The following EPRS1 variants were observed in gnomAD, a reference collection of about 807,000 sequenced individuals.
EPRS1 encodes bifunctional glutamate/proline--tRNA ligase.
A neutral mutation model predicts 188.3 loss-of-function variants in EPRS1; 107 were observed. The ratio of observed to expected loss-of-function variants is 0.57; its 90% CI spans 0.49 to 0.67. The LOEUF is 0.67. Among genes scored for constraint, EPRS1 ranks in the 30% least tolerant of loss-of-function variants. The pLI, the probability that EPRS1 is intolerant of heterozygous loss-of-function variation, is 0.00. For missense variants in EPRS1, 1,577 were observed against 1,802.2 expected (o/e 0.88, Z 2.26); for synonymous variants, 596 against 593.1 (o/e 1.00, Z -0.07).
At chr1:219,981,254 C>A in intron 24 of EPRS1, 124 bp downstream of exon 24, 1 of 592,498 alleles carries the variant, frequency 1.7e-6, no homozygotes, top group South Asian at 3.3e-5. Flanking sequence ...TACAATTTAT[C>A]TTAAATACTT....
In EPRS1 at chr1:219,980,085, C is replaced by T; in HGVS notation, c.3711G>A (p.Gln1237=). The T allele has an allele frequency of 6.2e-7, 1 of 1,613,154 alleles. No individual in the cohort carries two copies. The highest frequency in any genetic ancestry group is 8.5e-7 in the Non-Finnish European group (1 of 1,179,462). ...CGAATCCTGTGTGGCAGTTTGATAC[C>T]TGGATAGCTCTTCCACTAGCAGATA... is the stretch of plus-strand genomic sequence containing the variant. ...AFISASGRAI[Q]GGTSHHLGQN... Residue 1237 remains glutamine (Q), a splice_region_variant and synonymous_variant, in exon 26 of 32, where the codon CAG becomes CAA. Transcript: ENST00000366923.
chr1:220,045,711 A>G (rs920063585), intron 1 of EPRS1, among the ~76,000 whole-genome samples: 5 of 152,188 alleles, frequency 3.3e-5, no homozygotes, highest in African/African-American at 1.2e-4. Context: ...GGGTGCAGTA[A>G]AAGCAACCGC....
At chr1:220,001,078 T>C in intron 17 of EPRS1, 60 bp downstream of exon 17, 1 of 937,662 alleles carries the variant, frequency 1.1e-6, no homozygotes, top group East Asian at 2.4e-5. Flanking sequence ...AGAAATATAT[T>C]CTAAACCCTG....
At chr1:220,046,284 C>T (rs1571705052) in intron 1 of EPRS1, 59 bp downstream of exon 1, 3 of 1,604,308 alleles carry the variant, frequency 1.9e-6, no homozygotes, top group Non-Finnish European at 2.6e-6. Context: ...CGACCTTCCA[C>T]GCCCTGCACC....
rs1044242726 is a variant in EPRS1 at position 220,007,116 on chromosome 1, G to T, written c.1742+86C>A. On this transcript the variant is annotated intron_variant, in intron 14 of 31. Coordinates refer to ENST00000366923, the MANE Select transcript of EPRS1 (RefSeq NM_004446.3). ...ATTTACTAGTCAGCAACATGTATGG[G>T]TCTGAATTTGGTAATGTTTAATAAG... 3.4e-6 allele frequency: 4 copies of T among 1,192,696 alleles called. No homozygotes were observed. In the African/African-American group the frequency reaches 6.1e-5, roughly 18 times the overall value. The allele number at this position is 1,192,696 out of a possible 1,614,324, so 73.9% of individuals were successfully genotyped here.
chr1:219,993,328 T>C (rs1661160451), intron 18 of EPRS1, among the ~76,000 whole-genome samples: 1 of 152,208 alleles, frequency 6.6e-6, no homozygotes, highest in Admixed American at 6.5e-5. Flanking sequence ...CACCTCACAC[T>C]ACACCAACTT....
intron 12 of EPRS1, 36 bp from the exon 13 acceptor site, chr1:220,011,092 A>G (rs1322469533): frequency 8.3e-7 from 1 of 1,207,932 alleles, no homozygotes; most frequent in East Asian, 2.3e-5. Flanking sequence ...AAACACTGCG[A>G]TATCTTATAG....
At chr1:220,027,266 A>C (rs1661994003) in intron 6 of EPRS1, among the ~76,000 whole-genome samples, 1 of 152,216 alleles carries the variant, frequency 6.6e-6, no homozygotes, top group African/African-American at 2.4e-5. Context: ...CTACTAAAAA[A>C]AATACAAAAA....
At position 219,988,862 on chromosome 1, in the gene EPRS1, G is replaced by T; in HGVS notation, c.2542-39C>A. ...GAGAAAGAGATATTTATAAAACTTT[G>T]GAAATTTCTGGAAATTTCAATGCCA... On this transcript the variant is annotated intron_variant, in intron 18 of 31. Coordinates refer to ENST00000366923, the MANE Select transcript of EPRS1 (RefSeq NM_004446.3). 3.2e-6 allele frequency: 4 copies of T among 1,231,932 alleles called. No individual in the cohort carries two copies. The South Asian group carries it at 4.2e-5, about 13-fold the overall frequency. The allele number at this position is 1,231,932 out of a possible 1,614,324, so 76.3% of individuals were successfully genotyped here.
intron 18 of EPRS1, 111 bp downstream of exon 18, chr1:219,996,872 T>A: frequency 8.6e-7 from 1 of 1,168,298 alleles, no homozygotes; most frequent in Non-Finnish European, 1.2e-6. Flanking sequence ...TCAATGTTGA[T>A]TATTACATCA....
At position 219,969,076 on chromosome 1, in the gene EPRS1, A is replaced by G; in HGVS notation, c.4370T>C (p.Ile1457Thr). ...GGTTTACCTGGCAGTGGTCTTTTTG[A>G]TCCAGTCCTCACAGTCAATTTCCCC... ...FCGEIDCEDW[I>T]KKTTARDQDL... The change falls in exon 31 of 32, where the codon ATC becomes ACC. Residue 1457 changes from isoleucine to threonine, a missense_variant. Physicochemically the swap from Ile to Thr is moderately conservative, Grantham distance 89. Coordinates refer to ENST00000366923, the MANE Select transcript of EPRS1 (RefSeq NM_004446.3). The G allele has an allele frequency of 4.3e-6, 7 of 1,613,406 alleles. No homozygotes were observed. Among genetic ancestry groups the G allele is most frequent in the African/African-American group, 1.3e-5 (1 of 75,042 alleles).
At chr1:220,027,559 G>T (rs6681474) in intron 6 of EPRS1, among the ~76,000 whole-genome samples, 115,002 of 143,332 alleles carry the variant, frequency 0.8, 46,185 homozygotes, top group East Asian at 0.93. Context: ...GCCACTGCAC[G>T]CCAGCCTGGA....
chr1:220,000,010 T>C (rs1661318535), intron 17 of EPRS1, among the ~76,000 whole-genome samples: 1 of 152,048 alleles, frequency 6.6e-6, no homozygotes, highest in African/African-American at 2.4e-5. Context: ...TACAGCCCAG[T>C]TGAGTCTTTG....
intron 2 of EPRS1, among the ~76,000 whole-genome samples, chr1:220,035,864 A>G (rs1438317496): frequency 1.3e-5 from 2 of 152,114 alleles, no homozygotes; most frequent in Admixed American, 6.6e-5. Context: ...CCAAGAATCT[A>G]TTGCTAATAA....
rs781011093 is a variant in EPRS1, at chr1:220,030,479, G to A, written c.530C>T (p.Ala177Val). ...CCCAACATCTTGCTTTTTCTCAGGT[G>A]CCTGAAAAACACAACCACCATCACA... ...WDVSTTKARV[A>V]PEKKQDVGKF... Residue 177 changes from alanine to valine, a missense_variant and splice_region_variant, in exon 6 of 32, where the codon GCA becomes GTA. By Grantham distance (64) the Ala-to-Val change is moderately conservative. This residue lies in a region of EPRS1 where 1,278 missense variants were observed against 1,457.4 expected (regional missense o/e 0.88). Transcript: ENST00000366923. The A allele has an allele frequency of 3.7e-6, 6 of 1,612,504 alleles. No individual in the cohort carries two copies. The African/African-American group carries it at 8.0e-5, about 22-fold the overall frequency.
At chr1:220,040,964 T>C (rs1368276020) in intron 1 of EPRS1, among the ~76,000 whole-genome samples, 5 of 152,096 alleles carry the variant, frequency 3.3e-5, no homozygotes, top group African/African-American at 9.7e-5. Context: ...TAATAGTATT[T>C]GAGTGACTAT....
chr1:220,013,832 A>C (rs1661651177), intron 12 of EPRS1, among the ~76,000 whole-genome samples: 1 of 152,166 alleles, frequency 6.6e-6, no homozygotes, highest in South Asian at 2.1e-4. Flanking sequence ...GATCACAATG[A>C]TTTCCTTTTT....
intron 29 of EPRS1, among the ~76,000 whole-genome samples, chr1:219,972,778 A>G (rs111497589): frequency 4.6e-5 from 7 of 152,272 alleles, no homozygotes; most frequent in African/African-American, 1.7e-4. Context: ...TCCCAACCCC[A>G]GTCAGGAGGT....
In EPRS1 at chr1:219,973,348, C is replaced by G. The variant is rs762821695; in HGVS notation, c.4134G>C (p.Gln1378His). 4 of 1,612,436 alleles carry G rather than the reference C, an allele frequency of 2.5e-6. No individual in the cohort carries two copies. Among genetic ancestry groups the G allele is most frequent in the African/African-American group, 1.3e-5 (1 of 74,368 alleles). The change falls in exon 29 of 32, where the codon CAG (glutamine) becomes CAC (histidine). Residue 1378 changes from glutamine to histidine, a missense_variant. This residue lies in a region of EPRS1 where 296 missense variants were observed against 327.9 expected (regional missense o/e 0.90). Coordinates refer to ENST00000366923, the MANE Select transcript of EPRS1 (RefSeq NM_004446.3). ...CAGTATCTCGTCTGACGGCTACAAA[C>G]TGACAGCTCTTCATATCACGTGGCC... Reference protein sequence around the residue: ...EVGPRDMKSCQFVAVRRDTGE... With the variant: ...EVGPRDMKSCHFVAVRRDTGE...
Sources: allele counts gnomAD v4.1 joint callset (sites outside exome capture counted in the v4.1 genomes callset), GRCh38; gene constraint gnomAD v4.1.1; regional missense constraint gnomAD v4.1.1; transcripts MANE v1.5; gene names NCBI Gene and HGNC (gene_info 2026-07-23, HGNC 2026-07-21).